ARHGEF38: variants seen among roughly 807,000 people sequenced by gnomAD.
ARHGEF38 encodes the protein Rho guanine nucleotide exchange factor 38, also known as Rho guanine nucleotide exchange factor (GEF) 38.
A neutral mutation model predicts 79.9 loss-of-function variants in ARHGEF38; 79 were observed. The observed-to-expected ratio is 0.99, with a 90% CI of 0.82 to 1.19. ARHGEF38 has a LOEUF of 1.19. Among genes scored for constraint, ARHGEF38 ranks in the 50% most tolerant of loss-of-function variants. ARHGEF38 has a pLI of 0.00. For synonymous variants in ARHGEF38, 366 were observed against 328.3 expected, an observed-to-expected ratio of 1.11 and a Z score of -1.24; for missense variants, 962 against 907.2, an observed-to-expected ratio of 1.06 and a Z score of -0.78.
intron 3 of ARHGEF38, among the ~76,000 whole-genome samples, chr4:105,623,100 G>A (rs1728805655): frequency 2.0e-5 from 3 of 152,112 alleles, no homozygotes; most frequent in Admixed American, 2.0e-4. Context: ...TCAAACACTG[G>A]GCATAACCCC....
chr4:105,559,264 G>C (rs915659093), intron 1 of ARHGEF38, among the ~76,000 whole-genome samples: 4 of 152,142 alleles, frequency 2.6e-5, no homozygotes, highest in African/African-American at 9.7e-5. Context: ...TTCTGAGACT[G>C]TGGAATTTTC....
intron 4 of ARHGEF38, among the ~76,000 whole-genome samples, chr4:105,632,134 G>T (rs572306237): frequency 1.8e-4 from 27 of 152,178 alleles, no homozygotes; most frequent in Non-Finnish European, 3.1e-4. Flanking sequence ...GGCTAGAATT[G>T]GGTCTGAAAG....
At chr4:105,566,562 A>G (rs1725898380) in intron 1 of ARHGEF38, among the ~76,000 whole-genome samples, 1 of 152,210 alleles carries the variant, frequency 6.6e-6, no homozygotes, top group African/African-American at 2.4e-5. Flanking sequence ...TGTGTTACAA[A>G]TAACCCAGTT....
intron 2 of ARHGEF38, among the ~76,000 whole-genome samples, chr4:105,598,743 G>A (rs1727694437): frequency 6.6e-6 from 1 of 151,164 alleles, no homozygotes. Context: ...ATATAGTCTG[G>A]GCCATTGTTT....
At chr4:105,575,408 T>G (rs1726448871) in intron 1 of ARHGEF38, among the ~76,000 whole-genome samples, 1 of 152,208 alleles carries the variant, frequency 6.6e-6, no homozygotes, top group Non-Finnish European at 1.5e-5. Context: ...TAACAATTAC[T>G]GATGTTGAGC....
intron 7 of ARHGEF38, among the ~76,000 whole-genome samples, chr4:105,649,923 T>C (rs1730029248): frequency 6.6e-6 from 1 of 152,210 alleles, no homozygotes; most frequent in African/African-American, 2.4e-5. Flanking sequence ...ACTTAGTAAA[T>C]GTTTGTTTGG....
intron 3 of ARHGEF38, among the ~76,000 whole-genome samples, chr4:105,620,800 A>G (rs1056241926): frequency 4.7e-5 from 7 of 150,030 alleles, no homozygotes; most frequent in African/African-American, 1.8e-4. Context: ...TCAATGGACC[A>G]TGCCTCCTAG....
At chr4:105,614,427 A>G (rs776306001) in intron 3 of ARHGEF38, among the ~76,000 whole-genome samples, 1 of 152,158 alleles carries the variant, frequency 6.6e-6, no homozygotes, top group South Asian at 2.1e-4. Context: ...CACAAAGACT[A>G]CACACAAACA....
chr4:105,607,309 T>C (rs1263513153), intron 2 of ARHGEF38, among the ~76,000 whole-genome samples: 1 of 152,152 alleles, frequency 6.6e-6, no homozygotes, highest in African/African-American at 2.4e-5. Context: ...TGGTAATTTT[T>C]TCCCTTTAAA....
intron 3 of ARHGEF38, among the ~76,000 whole-genome samples, chr4:105,630,043 A>G (rs1331626319): frequency 6.6e-6 from 1 of 152,150 alleles, no homozygotes; most frequent in African/African-American, 2.4e-5. Flanking sequence ...TTAACAAAAA[A>G]TTGCTTCATT....
At chr4:105,571,050 G>A (rs372803626) in intron 1 of ARHGEF38, among the ~76,000 whole-genome samples, 165 of 152,234 alleles carry the variant, frequency 1.1e-3, no homozygotes, top group African/African-American at 3.8e-3. Context: ...TGTTTAATAG[G>A]TATAAAATTT....
chr4:105,594,718 G>A (rs1727501453), intron 2 of ARHGEF38, among the ~76,000 whole-genome samples: 1 of 152,174 alleles, frequency 6.6e-6, no homozygotes. Flanking sequence ...ACTGACAACT[G>A]TTCTGTGACA....
chr4:105,677,006 C>A (rs920118310), intron 13 of ARHGEF38, among the ~76,000 whole-genome samples: 2 of 151,912 alleles, frequency 1.3e-5, no homozygotes, highest in Non-Finnish European at 2.9e-5. Flanking sequence ...CTCCGTCGCC[C>A]AGGCTGGAGT....
chr4:105,640,134 T>A (rs1729558502), intron 5 of ARHGEF38, among the ~76,000 whole-genome samples: 1 of 151,940 alleles, frequency 6.6e-6, no homozygotes, highest in African/African-American at 2.4e-5. Context: ...TATCCCTATC[T>A]CCTCTACACA....
intron 4 of ARHGEF38, among the ~76,000 whole-genome samples, chr4:105,633,624 T>C (rs1177805519): frequency 6.6e-6 from 1 of 152,194 alleles, no homozygotes; most frequent in Admixed American, 6.6e-5. Flanking sequence ...GGTGGCTTCA[T>C]GCCTCAGAAG....
rs1034115430 is a variant in ARHGEF38, at chr4:105,598,011, A to AT, written c.384+8586dup. Among the ~76,000 whole-genome samples, 1,023 of 149,484 alleles carry AT rather than the reference A, an allele frequency of 6.8e-3. 10 individuals carry two copies. Among genetic ancestry groups the AT allele is most frequent in the African/African-American group, 0.024 (967 of 40,836 alleles). On this transcript the variant is annotated intron_variant, in intron 2 of 13. Transcript: ENST00000420470. ...CTTGTTTACTCTCCCAAACTTTCCA[A>AT]TTTTTTTTTTAATATATTGTGTTTT...
At chr4:105,628,703 A>ACACACATG (rs1051080574) in intron 3 of ARHGEF38, among the ~76,000 whole-genome samples, 3 of 152,128 alleles carry the variant, frequency 2.0e-5, no homozygotes, top group African/African-American at 7.2e-5. Context: ...TAAAACACAC[A>ACACACATG]CACACATGCA....
chr4:105,556,284 G>C (rs987951790), intron 1 of ARHGEF38, among the ~76,000 whole-genome samples: 1 of 152,070 alleles, frequency 6.6e-6, no homozygotes, highest in African/African-American at 2.4e-5. Context: ...TATGTGCCAG[G>C]AATTACAACT....
At position 105,676,829 on chromosome 4, in the gene ARHGEF38, CCATT is replaced by C. The variant is rs1253160558; in HGVS notation, c.2149-920_2149-917del. Among the ~76,000 whole-genome samples the C allele has an allele frequency of 2.2e-4, 34 of 152,030 alleles. 1 individual carries two copies. Among genetic ancestry groups the C allele is most frequent in the Middle Eastern group, 3.4e-3 (1 of 292 alleles). On this transcript the variant is annotated intron_variant, in intron 13 of 13. Coordinates refer to ENST00000420470, the MANE Select transcript of ARHGEF38 (RefSeq NM_001242729.2). ...AAAATGAAAATCAGCTATAATTGTA[CCATT>C]CAAAGAAACAATAATATTAGACTTA...
Sources: gnomAD v4.1 joint callset for allele counts (sites outside exome capture counted in the v4.1 genomes callset) on GRCh38, gnomAD v4.1.1 for gene constraint, MANE v1.5 for transcripts, NCBI Gene and HGNC (gene_info 2026-07-23, HGNC 2026-07-21) for gene names.